Variants in TSPAN18 observed in about 807,000 individuals in gnomAD.
TSPAN18 encodes tetraspanin 18.
Under a neutral mutation model 27.3 loss-of-function variants are expected in TSPAN18, and 14 were observed. The observed-to-expected ratio is 0.51, with a 90% CI of 0.34 to 0.80. The LOEUF is 0.80. Ranked by LOEUF, TSPAN18 falls within the 30% of genes least tolerant of loss-of-function variation. TSPAN18 has a pLI of 0.01. For synonymous variants in TSPAN18, 143 were observed against 136.5 expected (o/e 1.05, Z -0.33); for missense variants, 268 against 323.9 (o/e 0.83, Z 1.32).
intron 3 of TSPAN18, among the ~76,000 whole-genome samples, chr11:44,867,696 G>C (rs564283866): frequency 1.8e-3 from 276 of 152,170 alleles, no homozygotes; most frequent in African/African-American, 6.3e-3. Context: ...ACCACACCCG[G>C]CTCGTTTATG....
intron 2 of TSPAN18, among the ~76,000 whole-genome samples, chr11:44,817,084 G>T (rs562462210): frequency 2.0e-5 from 3 of 152,192 alleles, no homozygotes; most frequent in African/African-American, 7.2e-5. Flanking sequence ...CGAGGAGCAG[G>T]GTTGGGGGCC....
At chr11:44,737,957 C>T (rs1484906658) in intron 1 of TSPAN18, among the ~76,000 whole-genome samples, 2 of 152,172 alleles carry the variant, frequency 1.3e-5, no homozygotes, top group Non-Finnish European at 2.9e-5. Context: ...CATCTGTAGG[C>T]TCAGATGGCT....
At chr11:44,835,215 G>C (rs561071777) in intron 2 of TSPAN18, among the ~76,000 whole-genome samples, 1 of 152,252 alleles carries the variant, frequency 6.6e-6, no homozygotes, top group Non-Finnish European at 1.5e-5. Flanking sequence ...AGCACTGCTG[G>C]AGTATGGGCA....
chr11:44,808,024 A>G (rs909754912), intron 2 of TSPAN18, among the ~76,000 whole-genome samples: 1 of 152,198 alleles, frequency 6.6e-6, no homozygotes, highest in Non-Finnish European at 1.5e-5. Context: ...CTCAGGAGGT[A>G]GCACTTGAAG....
intron 2 of TSPAN18, among the ~76,000 whole-genome samples, chr11:44,790,593 CGTGT>C (rs1232922624): frequency 1.5e-5 from 2 of 132,566 alleles, no homozygotes; most frequent in Non-Finnish European, 3.3e-5. Context: ...TGCATGTGTT[CGTGT>C]GTGTGCATGT....
chr11:44,865,544 T>A (rs577557966), intron 3 of TSPAN18, among the ~76,000 whole-genome samples: 23 of 152,172 alleles, frequency 1.5e-4, no homozygotes, highest in African/African-American at 5.6e-4. Flanking sequence ...TATAGGCTTC[T>A]TAAAAATTCA....
At chr11:44,857,658 G>A (rs962016911) in intron 2 of TSPAN18, among the ~76,000 whole-genome samples, 1 of 152,186 alleles carries the variant, frequency 6.6e-6, no homozygotes, top group African/African-American at 2.4e-5. Flanking sequence ...ACAGCCCTCA[G>A]AGCTGGGCTT....
At chr11:44,730,820 T>C (rs1253249879) in intron 1 of TSPAN18, among the ~76,000 whole-genome samples, 1 of 105,326 alleles carries the variant, frequency 9.5e-6, no homozygotes, top group Non-Finnish European at 2.5e-5. Flanking sequence ...AGAGACGGGT[T>C]TCACCATGTT....
At chr11:44,784,285 A>G (rs1156960721) in intron 2 of TSPAN18, among the ~76,000 whole-genome samples, 3 of 152,168 alleles carry the variant, frequency 2.0e-5, no homozygotes, top group African/African-American at 7.2e-5. Flanking sequence ...TCCCAGTGAC[A>G]TATGAGGACC....
At chr11:44,865,802 C>T (rs1016399251) in intron 3 of TSPAN18, among the ~76,000 whole-genome samples, 2 of 152,206 alleles carry the variant, frequency 1.3e-5, no homozygotes, top group Admixed American at 1.3e-4. Flanking sequence ...CAAGGGGTCT[C>T]AGTGGAGCAG....
chr11:44,736,765 A>G (rs1379599478), intron 1 of TSPAN18: 1 of 152,262 alleles, frequency 6.6e-6, no homozygotes, highest in Non-Finnish European at 1.5e-5. Context: ...GCCTGGGTTC[A>G]AATGCCAGTT....
At chr11:44,811,785 C>T (rs546730395) in intron 2 of TSPAN18, among the ~76,000 whole-genome samples, 8 of 152,314 alleles carry the variant, frequency 5.3e-5, no homozygotes, top group African/African-American at 1.7e-4. Flanking sequence ...TTTTAAAGAA[C>T]ATTTAGCCCT....
intron 3 of TSPAN18, among the ~76,000 whole-genome samples, chr11:44,870,483 A>G (rs1010932082): frequency 6.6e-6 from 1 of 152,150 alleles, no homozygotes; most frequent in Non-Finnish European, 1.5e-5. Context: ...TTTTTACTTC[A>G]GTGCAAGAAA....
chr11:44,899,897 C>T (rs900187485), intron 3 of TSPAN18, among the ~76,000 whole-genome samples: 2 of 152,304 alleles, frequency 1.3e-5, no homozygotes, highest in East Asian at 1.9e-4. Flanking sequence ...CACCACTGGC[C>T]CCAGGGAGGG....
intron 2 of TSPAN18, among the ~76,000 whole-genome samples, chr11:44,798,485 G>A (rs1856401730): frequency 6.6e-6 from 1 of 152,192 alleles, no homozygotes; most frequent in Non-Finnish European, 1.5e-5. Context: ...CTTCCCCCAA[G>A]CTTAACCACT....
At chr11:44,782,545 CAA>C (rs71038822) in intron 2 of TSPAN18, among the ~76,000 whole-genome samples, 71 of 110,666 alleles carry the variant, frequency 6.4e-4, no homozygotes, top group Non-Finnish European at 6.4e-4. Flanking sequence ...TCCGTCTCCA[CAA>C]AAAAAAAAAA....
chr11:44,856,533 T>G (rs1234769371), intron 2 of TSPAN18, among the ~76,000 whole-genome samples: 1 of 152,270 alleles, frequency 6.6e-6, no homozygotes, highest in South Asian at 2.1e-4. Flanking sequence ...CATAATGATA[T>G]GAGGAACCCC....
intron 2 of TSPAN18, among the ~76,000 whole-genome samples, chr11:44,813,864 C>G (rs1010633175): frequency 1.3e-5 from 2 of 152,156 alleles, no homozygotes; most frequent in Non-Finnish European, 2.9e-5. Context: ...CACTTGGGAT[C>G]CAACCACGCC....
At chr11:44,748,981 C>G (rs1021247166) in intron 1 of TSPAN18, among the ~76,000 whole-genome samples, 29 of 152,120 alleles carry the variant, frequency 1.9e-4, no homozygotes, top group African/African-American at 7.0e-4. Flanking sequence ...GGATCCATTC[C>G]CATTTTTGGG....
Sources: gnomAD v4.1 joint callset for allele counts (sites outside exome capture counted in the v4.1 genomes callset) on GRCh38, gnomAD v4.1.1 for gene constraint, MANE v1.5 for transcripts, NCBI Gene and HGNC (gene_info 2026-07-23, HGNC 2026-07-21) for gene names.